The following SENP7 variants were observed in gnomAD, a reference collection of about 807,000 sequenced individuals.
SENP7 encodes SUMO specific peptidase 7, also known as sentrin-specific protease 7.
A neutral mutation model predicts 141.2 loss-of-function variants in SENP7; 64 were observed. That is an observed-to-expected ratio of 0.45 (90% CI 0.37 to 0.56). The LOEUF (loss-of-function observed/expected upper bound fraction) is 0.56, where lower values mean the gene tolerates loss of function less well. Among genes scored for constraint, SENP7 ranks in the 20% least tolerant of loss-of-function variants. The pLI is 0.00. For missense variants in SENP7, 1,025 were observed against 1,212.2 expected, an observed-to-expected ratio of 0.85 and a Z score of 2.29; for synonymous variants, 382 against 426.4, an observed-to-expected ratio of 0.90 and a Z score of 1.28.
intron 3 of SENP7, among the ~76,000 whole-genome samples, chr3:101,492,476 G>A (rs572662104): frequency 3.3e-5 from 5 of 152,306 alleles, no homozygotes; most frequent in African/African-American, 1.2e-4. Flanking sequence ...AAATGCTACA[G>A]TTATGGACTG....
At chr3:101,449,827 G>C (rs2063052156) in intron 4 of SENP7, among the ~76,000 whole-genome samples, 1 of 152,098 alleles carries the variant, frequency 6.6e-6, no homozygotes, top group African/African-American at 2.4e-5. Flanking sequence ...AAAATAACCA[G>C]CTAACATCAT....
At chr3:101,413,721 T>TA (rs1270874339) in intron 5 of SENP7, among the ~76,000 whole-genome samples, 70 of 111,904 alleles carry the variant, frequency 6.3e-4, no homozygotes, top group Middle Eastern at 4.4e-3. Context: ...AAGGCTTCCT[T>TA]AAAAAAAAAA....
chr3:101,459,361 A>G (rs2063472629), intron 3 of SENP7, among the ~76,000 whole-genome samples: 1 of 152,208 alleles, frequency 6.6e-6, no homozygotes, highest in Admixed American at 6.5e-5. Flanking sequence ...AAATTATTAC[A>G]TAGAAGGTTA....
intron 4 of SENP7, among the ~76,000 whole-genome samples, chr3:101,422,811 T>C (rs776943983): frequency 6.6e-6 from 1 of 151,904 alleles, no homozygotes; most frequent in Non-Finnish European, 1.5e-5. Flanking sequence ...CCCAGCATAA[T>C]CACAGCAGAA....
chr3:101,442,793 G>A (rs1255629881), intron 4 of SENP7, among the ~76,000 whole-genome samples: 1 of 151,156 alleles, frequency 6.6e-6, no homozygotes, highest in East Asian at 1.9e-4. Flanking sequence ...AGACTAAGCA[G>A]AAGAAAAAAA....
intron 13 of SENP7, among the ~76,000 whole-genome samples, chr3:101,346,515 A>G (rs1252688975): frequency 6.6e-6 from 1 of 152,242 alleles, no homozygotes; most frequent in Non-Finnish European, 1.5e-5. Context: ...CCAAATGCCC[A>G]TCAATCAATG....
chr3:101,387,297 G>A (rs1012657283), intron 6 of SENP7, among the ~76,000 whole-genome samples: 1 of 152,074 alleles, frequency 6.6e-6, no homozygotes, highest in Non-Finnish European at 1.5e-5. Context: ...TGAGAGGCCT[G>A]ACAATAGGCC....
At chr3:101,475,978 T>C (rs1218018051) in intron 3 of SENP7, among the ~76,000 whole-genome samples, 1 of 152,166 alleles carries the variant, frequency 6.6e-6, no homozygotes, top group Non-Finnish European at 1.5e-5. Flanking sequence ...TTCTGCACTA[T>C]AGACCAAATG....
intron 12 of SENP7, among the ~76,000 whole-genome samples, chr3:101,350,293 TATGC>T (rs2059580296): frequency 6.6e-6 from 1 of 152,192 alleles, no homozygotes; most frequent in South Asian, 2.1e-4. Context: ...ATATTTTCTT[TATGC>T]ATTGTTACTA....
intron 5 of SENP7, among the ~76,000 whole-genome samples, chr3:101,411,850 C>T (rs897992861): frequency 3.3e-5 from 5 of 152,198 alleles, no homozygotes; most frequent in South Asian, 2.1e-4. Context: ...AATCCCACTT[C>T]GAAATATCAT....
At chr3:101,445,972 T>C (rs1384277131) in intron 4 of SENP7, among the ~76,000 whole-genome samples, 1 of 152,124 alleles carries the variant, frequency 6.6e-6, no homozygotes, top group African/African-American at 2.4e-5. Flanking sequence ...ATGGTTTGGG[T>C]CTGTGTCCCC....
At chr3:101,364,811 A>G (rs1321815468) in intron 10 of SENP7, 23 bp downstream of exon 10, 5 of 1,493,998 alleles carry the variant, frequency 3.3e-6, no homozygotes, top group East Asian at 2.4e-5. Flanking sequence ...TTGTTAATCT[A>G]TGAGAAGACA....
At chr3:101,337,403 T>C in intron 17 of SENP7, 106 bp downstream of exon 17, 1 of 715,832 alleles carries the variant, frequency 1.4e-6, no homozygotes. Context: ...GAACAAATGG[T>C]AGTACTGCCT....
At chr3:101,360,769 G>A (rs1367203338) in intron 11 of SENP7, among the ~76,000 whole-genome samples, 1 of 152,224 alleles carries the variant, frequency 6.6e-6, no homozygotes, top group African/African-American at 2.4e-5. Flanking sequence ...GAAGTCAAAT[G>A]AAGTGTTATA....
At position 101,337,645 on chromosome 3, in the gene SENP7, AC is replaced by A; in HGVS notation, c.2358-15del. The A allele has an allele frequency of 6.5e-7, 1 of 1,529,288 alleles. No individual in the cohort carries two copies. Among genetic ancestry groups the A allele is most frequent in the Admixed American group, 2.2e-5 (1 of 45,336 alleles). 94.7% of individuals were successfully genotyped at this position (1,529,288 alleles called of 1,614,324 possible). ...AATATAAGATACCTGTAAAGTAGTAACCCCACAAAAGTAAATTATTTTTAGA... is the reference window on the plus strand; with the variant it reads ...AATATAAGATACCTGTAAAGTAGTAACCCACAAAAGTAAATTATTTTTAGA... On this transcript the variant is annotated splice_polypyrimidine_tract_variant and intron_variant, in intron 16 of 23. Coordinates refer to ENST00000394095, the MANE Select transcript of SENP7 (RefSeq NM_020654.5).
intron 4 of SENP7, among the ~76,000 whole-genome samples, chr3:101,455,636 A>G (rs1367189850): frequency 6.6e-6 from 1 of 152,200 alleles, no homozygotes; most frequent in Non-Finnish European, 1.5e-5. Context: ...AAAGAATCCC[A>G]TTAAAAGAGA....
intron 17 of SENP7, among the ~76,000 whole-genome samples, chr3:101,336,760 T>C (rs957570163): frequency 1.3e-5 from 2 of 152,204 alleles, no homozygotes; most frequent in Non-Finnish European, 2.9e-5. Context: ...GCAACAACTA[T>C]CCAAGTTTCT....
chr3:101,447,617 T>C (rs1366788981), intron 4 of SENP7, among the ~76,000 whole-genome samples: 1 of 152,156 alleles, frequency 6.6e-6, no homozygotes, highest in Non-Finnish European at 1.5e-5. Context: ...ACATCCCATG[T>C]TTATTAATCT....
chr3:101,493,777 G>A, intron 3 of SENP7, 96 bp downstream of exon 3: 1 of 691,470 alleles, frequency 1.4e-6, no homozygotes, highest in Non-Finnish European at 2.3e-6. Context: ...AACCAAAAAA[G>A]GGACATATCA....
Sources: gnomAD v4.1 joint callset for allele counts (sites outside exome capture counted in the v4.1 genomes callset) on GRCh38, gnomAD v4.1.1 for gene constraint, MANE v1.5 for transcripts, NCBI Gene and HGNC (gene_info 2026-07-23, HGNC 2026-07-21) for gene names.